Variants in KCNAB1 observed in about 807,000 individuals in gnomAD.
KCNAB1 encodes voltage-gated potassium channel subunit beta-1.
Under a neutral mutation model 64.6 loss-of-function variants are expected in KCNAB1, and 35 were observed. That is an observed-to-expected ratio of 0.54 (90% confidence interval 0.41 to 0.72). The LOEUF (loss-of-function observed/expected upper bound fraction) is 0.72, where lower values mean the gene tolerates loss of function less well. Ranked by LOEUF, KCNAB1 falls within the 30% of genes least tolerant of loss-of-function variation. KCNAB1 has a pLI of 0.00. For missense variants in KCNAB1, 401 were observed against 512.9 expected, an observed-to-expected ratio of 0.78 and a Z score of 2.11; for synonymous variants, 177 against 183.8, an observed-to-expected ratio of 0.96 and a Z score of 0.30.
intron 1 of KCNAB1, among the ~76,000 whole-genome samples, chr3:156,198,283 T>G (rs1455180919): frequency 6.6e-6 from 1 of 151,982 alleles, no homozygotes; most frequent in Non-Finnish European, 1.5e-5. Flanking sequence ...GGGTGGAGAG[T>G]TCTGTAGATG....
chr3:156,391,772 G>A (rs1257715208), intron 1 of KCNAB1, among the ~76,000 whole-genome samples: 1 of 152,202 alleles, frequency 6.6e-6, no homozygotes, highest in African/African-American at 2.4e-5. Flanking sequence ...TGAAAGTAGA[G>A]CAATCCCAAC....
intron 1 of KCNAB1, among the ~76,000 whole-genome samples, chr3:156,313,022 G>A (rs1047294111): frequency 1.3e-5 from 2 of 152,240 alleles, no homozygotes; most frequent in South Asian, 2.1e-4. Context: ...ACCCAGTATT[G>A]CAGACTGGAT....
chr3:156,396,809 A>G (rs976680954), intron 1 of KCNAB1, among the ~76,000 whole-genome samples: 5 of 152,226 alleles, frequency 3.3e-5, no homozygotes, highest in African/African-American at 1.2e-4. Context: ...GAAGTTATAC[A>G]AGCCATGCTG....
chr3:156,301,251 C>A (rs1212425823), intron 1 of KCNAB1, among the ~76,000 whole-genome samples: 1 of 151,740 alleles, frequency 6.6e-6, no homozygotes, highest in Non-Finnish European at 1.5e-5. Context: ...ACCACAACAA[C>A]AACCTTGTTA....
At chr3:156,324,735 T>G (rs1722864486) in intron 1 of KCNAB1, among the ~76,000 whole-genome samples, 1 of 152,060 alleles carries the variant, frequency 6.6e-6, no homozygotes, top group East Asian at 1.9e-4. Flanking sequence ...ACAATATCAC[T>G]CATTCACTCA....
rs559377258 is a variant in KCNAB1 at position 156,387,338 on chromosome 3, C to G, written c.276-34278C>G. On this transcript the variant is annotated intron_variant, in intron 1 of 13. Coordinates refer to ENST00000490337, the MANE Select transcript of KCNAB1 (RefSeq NM_172160.3). ...ACAGAGCTGGACAGAGAGACAAGCC[C>G]AAAGGTTAGAATTGGCCTAGGGATA... Among the ~76,000 whole-genome samples the G allele has an allele frequency of 7.9e-5, 12 of 152,142 alleles. No individual in the cohort carries two copies. In the East Asian group the frequency reaches 2.1e-3, roughly 27 times the overall value.
intron 1 of KCNAB1, among the ~76,000 whole-genome samples, chr3:156,266,372 A>G (rs1045033241): frequency 2.0e-5 from 3 of 152,240 alleles, no homozygotes; most frequent in African/African-American, 7.2e-5. Flanking sequence ...TAATGATTCA[A>G]TTTCTACATA....
chr3:156,386,131 T>G (rs1416400193), intron 1 of KCNAB1, among the ~76,000 whole-genome samples: 4 of 152,158 alleles, frequency 2.6e-5, no homozygotes, highest in African/African-American at 4.8e-5. Context: ...AGGCAAACTT[T>G]AGAGTAGGAG....
intron 1 of KCNAB1, among the ~76,000 whole-genome samples, chr3:156,185,085 C>T (rs1020521286): frequency 6.6e-6 from 1 of 152,210 alleles, no homozygotes; most frequent in African/African-American, 2.4e-5. Context: ...AATTAAAACC[C>T]AGGATTCCTG....
At chr3:156,243,966 G>T (rs1273848890) in intron 1 of KCNAB1, among the ~76,000 whole-genome samples, 2 of 152,100 alleles carry the variant, frequency 1.3e-5, no homozygotes, top group Non-Finnish European at 2.9e-5. Context: ...AGCTTCCATG[G>T]ACCTGCCATA....
chr3:156,436,152 G>A (rs1283649191), intron 2 of KCNAB1, among the ~76,000 whole-genome samples: 2 of 151,882 alleles, frequency 1.3e-5, no homozygotes, highest in South Asian at 2.1e-4. Flanking sequence ...ACCTACTTAT[G>A]AGTGAGAACA....
At chr3:156,258,588 A>C (rs1718240464) in intron 1 of KCNAB1, among the ~76,000 whole-genome samples, 1 of 152,202 alleles carries the variant, frequency 6.6e-6, no homozygotes, top group Non-Finnish European at 1.5e-5. Context: ...CAACACTCCC[A>C]AATGTCCTCC....
At chr3:156,535,284 T>G (rs1279811827) in intron 13 of KCNAB1, among the ~76,000 whole-genome samples, 1 of 152,228 alleles carries the variant, frequency 6.6e-6, no homozygotes, top group African/African-American at 2.4e-5. Flanking sequence ...AAAGGAAGAA[T>G]GAGGTTGAAA....
At chr3:156,492,267 C>G (rs979491668) in intron 8 of KCNAB1, among the ~76,000 whole-genome samples, 1 of 152,068 alleles carries the variant, frequency 6.6e-6, no homozygotes, top group Non-Finnish European at 1.5e-5. Context: ...AAGATAAAAG[C>G]CTTAACATAT....
At chr3:156,291,712 C>A in intron 1 of KCNAB1, 1 of 1,430,458 alleles carries the variant, frequency 7.0e-7, no homozygotes, top group African/African-American at 1.4e-5. Context: ...GGGACTCTTT[C>A]CTGCATCGCA....
intron 1 of KCNAB1, among the ~76,000 whole-genome samples, chr3:156,254,272 G>T (rs1717979906): frequency 6.6e-6 from 1 of 152,166 alleles, no homozygotes; most frequent in Admixed American, 6.5e-5. Context: ...GCCCTCTGCA[G>T]GTATGCCTCA....
chr3:156,248,079 G>A (rs1717574392), intron 1 of KCNAB1, among the ~76,000 whole-genome samples: 1 of 152,116 alleles, frequency 6.6e-6, no homozygotes, highest in Admixed American at 6.5e-5. Flanking sequence ...TCTTGATGCT[G>A]TCACCTTGAG....
chr3:156,265,537 C>T (rs778191352), intron 1 of KCNAB1, among the ~76,000 whole-genome samples: 50 of 152,180 alleles, frequency 3.3e-4, no homozygotes, highest in Middle Eastern at 3.2e-3. Flanking sequence ...CATACCTGAG[C>T]CAACACTGCT....
At chr3:156,467,140 G>A (rs181183846) in intron 7 of KCNAB1, among the ~76,000 whole-genome samples, 1 of 151,934 alleles carries the variant, frequency 6.6e-6, no homozygotes, top group African/African-American at 2.4e-5. Flanking sequence ...TATAATAAAG[G>A]CTATTTTATA....
Sources: gnomAD v4.1 joint callset for allele counts (sites outside exome capture counted in the v4.1 genomes callset) on GRCh38, gnomAD v4.1.1 for gene constraint, MANE v1.5 for transcripts, NCBI Gene and HGNC (gene_info 2026-07-23, HGNC 2026-07-21) for gene names.